The following SBF2 variants were observed in gnomAD, a reference collection of about 807,000 sequenced individuals.
SBF2 encodes SET binding factor 2.
SBF2 carries 112 observed loss-of-function variants against 225.2 expected under a neutral mutation model. That is an observed-to-expected ratio of 0.50 (90% confidence interval 0.43 to 0.58). The LOEUF is 0.58. Ranked by LOEUF, SBF2 falls within the 20% of genes least tolerant of loss-of-function variation. SBF2 has a pLI of 0.00. For synonymous variants in SBF2, 763 were observed against 773.3 expected, an observed-to-expected ratio of 0.99 and a Z score of 0.22; for missense variants, 1,996 against 2,206.2, an observed-to-expected ratio of 0.90 and a Z score of 1.91.
At chr11:9,853,327 A>T (rs1000652237) in intron 20 of SBF2, among the ~76,000 whole-genome samples, 1 of 152,216 alleles carries the variant, frequency 6.6e-6, no homozygotes, top group Non-Finnish European at 1.5e-5. Context: ...GCTGCACAAC[A>T]TTGTAGATGT....
At chr11:10,008,627 C>A (rs181088444) in intron 6 of SBF2, among the ~76,000 whole-genome samples, 1 of 152,210 alleles carries the variant, frequency 6.6e-6, no homozygotes, top group African/African-American at 2.4e-5. Context: ...CACTGGAAGG[C>A]CAACTGCATC....
intron 16 of SBF2, among the ~76,000 whole-genome samples, chr11:9,949,708 G>A (rs1020829245): frequency 6.6e-6 from 1 of 152,080 alleles, no homozygotes; most frequent in Non-Finnish European, 1.5e-5. Flanking sequence ...TAAGAAAAAG[G>A]GGCTTTTTTT....
At chr11:9,818,405 T>C (rs866884062) in intron 28 of SBF2, among the ~76,000 whole-genome samples, 4 of 152,296 alleles carry the variant, frequency 2.6e-5, no homozygotes, top group Middle Eastern at 3.4e-3. Flanking sequence ...ATGTACTAAT[T>C]CTCAAATTTG....
intron 2 of SBF2, among the ~76,000 whole-genome samples, chr11:10,134,177 A>G (rs960316092): frequency 1.3e-5 from 2 of 151,546 alleles, no homozygotes; most frequent in Non-Finnish European, 2.9e-5. Flanking sequence ...ATACAGGGAA[A>G]CTCCCCTTTA....
At position 9,815,490 on chromosome 11, in the gene SBF2, GGAA is replaced by G. The variant is rs369926287; in HGVS notation, c.3978+1347_3978+1349del. On this transcript the variant is annotated intron_variant, in intron 29 of 39. Coordinates refer to ENST00000256190, the MANE Select transcript of SBF2 (RefSeq NM_030962.4). Reference sequence around the variant, plus strand: ...AAATATAATAATAATATTTTATTGAGGAAGGGCAGACAGAAAGAAAAAGAGGGC... The same window carrying G: ...AAATATAATAATAATATTTTATTGAGGGGCAGACAGAAAGAAAAAGAGGGC... 4.1e-3 allele frequency among the ~76,000 whole-genome samples: 629 copies of G among 151,640 alleles called. 4 individuals carry two copies. Among genetic ancestry groups the G allele is most frequent in the African/African-American group, 0.014 (584 of 41,386 alleles).
chr11:10,264,061 T>C lies in SBF2; in HGVS notation c.55+29954A>G, dbSNP rs1264137802. Among the ~76,000 whole-genome samples, 6 of 152,312 alleles carry C rather than the reference T, an allele frequency of 3.9e-5. No homozygotes were observed. In the South Asian group the frequency reaches 1.2e-3, roughly 32 times the overall value. ...GGTAAAGCTTACTAAGGAATATTTG[T>C]CAACAGCAGGCAGCTTGGAGATCTT... On this transcript the variant is annotated intron_variant, in intron 1 of 39. Transcript: ENST00000256190.
chr11:9,803,285 A>G (rs1853595452), intron 32 of SBF2, among the ~76,000 whole-genome samples: 2 of 152,234 alleles, frequency 1.3e-5, no homozygotes, highest in South Asian at 4.1e-4. Context: ...GCAGAAATTA[A>G]GCATATACCC....
chr11:10,213,030 A>T (rs73416903), intron 1 of SBF2, among the ~76,000 whole-genome samples: 2,322 of 151,226 alleles, frequency 0.015, 46 homozygotes, highest in African/African-American at 0.041. Context: ...GTTTGGCGAC[A>T]GAGCAAGACT....
chr11:10,102,593 G>C (rs1336442772), intron 2 of SBF2, among the ~76,000 whole-genome samples: 1 of 152,170 alleles, frequency 6.6e-6, no homozygotes. Flanking sequence ...AAGAGTAATG[G>C]GACAAAACTG....
intron 2 of SBF2, among the ~76,000 whole-genome samples, chr11:10,055,004 G>A (rs1950201542): frequency 6.6e-6 from 1 of 152,004 alleles, no homozygotes; most frequent in Admixed American, 6.6e-5. Flanking sequence ...CCACCTCCCA[G>A]GTTCAAGCAA....
intron 17 of SBF2, among the ~76,000 whole-genome samples, chr11:9,874,119 T>A (rs1179129447): frequency 6.6e-6 from 1 of 152,094 alleles, no homozygotes; most frequent in Non-Finnish European, 1.5e-5. Flanking sequence ...TTAAATCCTC[T>A]CATTAAATCT....
chr11:10,062,188 C>T (rs1408087653), intron 2 of SBF2, among the ~76,000 whole-genome samples: 1 of 152,178 alleles, frequency 6.6e-6, no homozygotes, highest in East Asian at 1.9e-4. Flanking sequence ...CAAAAATCAA[C>T]TCATGATGAA....
intron 2 of SBF2, among the ~76,000 whole-genome samples, chr11:10,069,533 C>A: frequency 6.6e-6 from 1 of 152,208 alleles, no homozygotes; most frequent in African/African-American, 2.4e-5. Flanking sequence ...TGTATATGTG[C>A]CACATTTTCT....
At chr11:9,882,060 C>G (rs1306102888) in intron 17 of SBF2, among the ~76,000 whole-genome samples, 1 of 152,168 alleles carries the variant, frequency 6.6e-6, no homozygotes, top group Non-Finnish European at 1.5e-5. Context: ...GATCTTTACA[C>G]AACATAATGA....
At chr11:9,863,778 G>T (rs1389863176) in intron 17 of SBF2, among the ~76,000 whole-genome samples, 4 of 148,654 alleles carry the variant, frequency 2.7e-5, no homozygotes, top group Non-Finnish European at 4.4e-5. Flanking sequence ...TTAAAGAAAG[G>T]ACATACAATA....
intron 1 of SBF2, among the ~76,000 whole-genome samples, chr11:10,257,710 A>G (rs1472576156): frequency 7.3e-6 from 1 of 137,010 alleles, no homozygotes; most frequent in Non-Finnish European, 1.6e-5. Flanking sequence ...TACTAAAAAG[A>G]GCTTGGTCAG....
chr11:10,181,680 T>C (rs144181798), intron 2 of SBF2, among the ~76,000 whole-genome samples: 1 of 152,108 alleles, frequency 6.6e-6, no homozygotes, highest in East Asian at 1.9e-4. Context: ...CTCAATTCAA[T>C]GCAATAGTAA....
rs770800105 is a variant in SBF2 at position 9,850,081 on chromosome 11, T to C, written c.2748A>G (p.Gly916=). 1.9e-6 allele frequency: 3 copies of C among 1,614,142 alleles called. No homozygotes were observed. The highest frequency in any genetic ancestry group is 2.5e-6 in the Non-Finnish European group (3 of 1,180,006). The stretch of plus-strand genomic sequence containing the variant: ...TTCTGTATGTGGTGAGGAACAAGGC[T>C]CCTTCTGCTGGCAGGAGCTGAGGGC... ...LGGPQLLPAE[G]ALFLTTYRIL... is the part of the protein sequence containing the mutation. Residue 916 remains glycine, a synonymous_variant, in exon 22 of 40, where the codon GGA becomes GGG. Transcript: ENST00000256190.
chr11:9,856,585 G>A lies in SBF2; in HGVS notation c.2236C>T (p.Gln746Ter). The stretch of plus-strand genomic sequence containing the variant: ...ATGAGGTTTGCAAAGTGAATGGCCT[G>A]ACTAAAGACAGTGCTTTCCTCATGT... Reference protein sequence around the residue: ...VQHEESTVFSQAIHFANLMVN... With the variant: ...VQHEESTVFS Residue 746 changes from glutamine (Q) to a stop codon, truncating the protein, a stop_gained, in exon 19 of 40, where the codon CAG (glutamine) becomes TAG (stop). Transcript: ENST00000256190. LOFTEE classifies it high-confidence loss of function. The A allele has an allele frequency of 1.2e-6, 2 of 1,614,136 alleles. No individual in the cohort carries two copies. The highest frequency in any genetic ancestry group is 1.1e-5 in the South Asian group (1 of 91,086).
Sources: gnomAD v4.1 joint callset for allele counts (sites outside exome capture counted in the v4.1 genomes callset) on GRCh38, gnomAD v4.1.1 for gene constraint, MANE v1.5 for transcripts, NCBI Gene and HGNC (gene_info 2026-07-23, HGNC 2026-07-21) for gene names.